Variants in CHD6 observed in about 807,000 individuals in gnomAD.
CHD6 encodes the protein ATP-dependent chromatin remodeler CHD6.
CHD6 carries 50 observed loss-of-function variants against 276.9 expected under a neutral mutation model. The observed-to-expected ratio is 0.18, with a 90% confidence interval of 0.14 to 0.23. The LOEUF (loss-of-function observed/expected upper bound fraction) is 0.23, where lower values mean the gene tolerates loss of function less well. CHD6 is among the 10% of genes least tolerant of loss of function. CHD6 has a pLI of 1.00. For missense variants in CHD6, 2,564 were observed against 3,365.8 expected, an observed-to-expected ratio of 0.76 and a Z score of 5.89; for synonymous variants, 1,173 against 1,229.3, an observed-to-expected ratio of 0.95 and a Z score of 0.96.
rs2046555319 is a variant in CHD6 at position 41,402,095 on chromosome 20, TTTTTC to T, written c.*2493_*2497del. On this transcript the variant is annotated 3_prime_UTR_variant, in exon 37 of 37. Coordinates refer to ENST00000373233, the MANE Select transcript of CHD6 (RefSeq NM_032221.5). ...TCAAATACAAATGTGACTTTTAAAC[TTTTTC>T]TTTTGTTTTTAAATCCAGGATCAAG... 1 of 187,072 alleles carries T rather than the reference TTTTTC, an allele frequency of 5.3e-6. No individual in the cohort carries two copies. Among genetic ancestry groups the T allele is most frequent in the Non-Finnish European group, 1.1e-5 (1 of 88,444 alleles). The allele number at this position is 187,072 out of a possible 1,614,324, so 11.6% of individuals were successfully genotyped here. A position where few individuals can be genotyped will look rare whatever the true frequency, so the allele number is the denominator to read the frequency against.
At chr20:41,524,379 T>C (rs1302077837) in intron 3 of CHD6, among the ~76,000 whole-genome samples, 1 of 152,230 alleles carries the variant, frequency 6.6e-6, no homozygotes, top group Admixed American at 6.5e-5. Flanking sequence ...TGTCAGTCCC[T>C]TTAACCGTAT....
rs377423955 is a variant in CHD6, at chr20:41,415,230, C to T, written c.6895G>A (p.Asp2299Asn). 33 of 1,613,998 alleles carry T rather than the reference C, an allele frequency of 2.0e-5. No individual in the cohort carries two copies. The highest frequency in any genetic ancestry group is 2.5e-5 in the Non-Finnish European group (30 of 1,180,030). Residue 2299 changes from aspartate (D) to asparagine (N), a missense_variant, in exon 34 of 37, where the codon GAC becomes AAC. Transcript: ENST00000373233. ...GTCTGCTCCTTCAAAAAGATGAGGT[C>T]CATCCCTCCTTCAACATGTTTCCGC... The part of the protein sequence containing the change: ...GRRKHVEGGM[D>N]LIFLKEQTLQ...
chr20:41,417,471 T>A, intron 31 of CHD6, 122 bp from the exon 32 acceptor site: 1 of 784,612 alleles, frequency 1.3e-6, no homozygotes, highest in South Asian at 2.4e-5. Context: ...TGTGCTATTT[T>A]AAATGGAATA....
At chr20:41,595,019 T>C (rs1469727538) in intron 1 of CHD6, among the ~76,000 whole-genome samples, 4 of 152,176 alleles carry the variant, frequency 2.6e-5, no homozygotes, top group African/African-American at 4.8e-5. Context: ...CTCTAACAAT[T>C]TGAGGGATCG....
Position 41,452,599 on chromosome 20 carries a change from T to C in CHD6, c.3323+141A>G. 1 of 725,260 alleles carries C rather than the reference T, an allele frequency of 1.4e-6. No homozygotes were observed. The highest frequency in any genetic ancestry group is 2.3e-6 in the Non-Finnish European group (1 of 440,100). 44.9% of individuals were successfully genotyped at this position (725,260 alleles called of 1,614,324 possible). On this transcript the variant is annotated intron_variant, in intron 21 of 36. Transcript: ENST00000373233. This position sits in a 1 kb window ranked among gnomAD's most constrained non-coding sequence, Gnocchi z 4.2. ...GACGGATTCTGGGCAGAAGGCACAG[T>C]TCTCTCTTGCTCCAACAGATCCCCC...
At chr20:41,497,577 C>T (rs182665373) in intron 7 of CHD6, 76 bp from the exon 8 acceptor site, 53 of 931,648 alleles carry the variant, frequency 5.7e-5, no homozygotes, top group Middle Eastern at 4.2e-4. Context: ...TCAATAAACA[C>T]GGTGACCACC....
At chr20:41,590,401 AG>A (rs1385550191) in intron 1 of CHD6, among the ~76,000 whole-genome samples, 1 of 152,228 alleles carries the variant, frequency 6.6e-6, no homozygotes, top group Admixed American at 6.5e-5. Flanking sequence ...GCACAGCAAA[AG>A]AAACTACCAT....
At position 41,405,457 on chromosome 20, in the gene CHD6, A is replaced by C; in HGVS notation, c.7284T>G (p.Thr2428=). ...TATCTCGAAGAATAGGCTCAGCCAG[A>C]GTGTGATTGAACTTGTTTTCTGGAA... ...GFLPENKFNH[T]LAEPILRDTG... Residue 2428 remains threonine (T), a synonymous_variant, in exon 37 of 37, where the codon ACT becomes ACG. Transcript: ENST00000373233. 1 of 1,571,528 alleles carries C rather than the reference A, an allele frequency of 6.4e-7. No homozygotes were observed. The highest frequency in any genetic ancestry group is 1.4e-5 in the African/African-American group (1 of 73,308).
chr20:41,416,718 T>C lies in CHD6; in HGVS notation c.6356A>G (p.Tyr2119Cys). Reference sequence around the variant, plus strand: ...GGTGGGCAGTGTGCCTGAGGGCTCATACTGCTGGCTAGAGGGCCACTTCCC... The same window carrying C: ...GGTGGGCAGTGTGCCTGAGGGCTCACACTGCTGGCTAGAGGGCCACTTCCC... ...LKGKWPSSQQ[Y>C]EPSGTLPTPV... Residue 2119 changes from tyrosine to cysteine, a missense_variant, in exon 33 of 37, where the codon TAT (tyrosine) becomes TGT (cysteine). By Grantham distance (194) the Tyr-to-Cys change is radical. Around this residue, in one of 7 missense-constraint regions of CHD6, gnomAD observed 1,024 missense variants for 1,047.9 expected, o/e 0.98. Transcript: ENST00000373233. 1 of 1,613,706 alleles carries C rather than the reference T, an allele frequency of 6.2e-7. No homozygotes were observed.
At chr20:41,409,254 C>T (rs868191252) in intron 36 of CHD6, among the ~76,000 whole-genome samples, 21 of 152,194 alleles carry the variant, frequency 1.4e-4, no homozygotes, top group African/African-American at 1.4e-4. Context: ...CTCCCAGCAG[C>T]GCGGCGACCA....
chr20:41,463,825 G>C (rs527607103), intron 17 of CHD6, among the ~76,000 whole-genome samples: 2 of 152,316 alleles, frequency 1.3e-5, no homozygotes, highest in South Asian at 2.1e-4. Context: ...GTGGATTGGA[G>C]AATAGTATTT....
intron 16 of CHD6, chr20:41,482,392 G>A: frequency 6.9e-6 from 2 of 289,208 alleles, no homozygotes; most frequent in South Asian, 6.1e-5. Context: ...AATCATTTAT[G>A]TTACATTAAG....
At chr20:41,457,551 G>T in intron 17 of CHD6, 123 bp from the exon 18 acceptor site, 1 of 1,158,376 alleles carries the variant, frequency 8.6e-7, no homozygotes, top group Non-Finnish European at 1.2e-6. Flanking sequence ...ACAAGTAACA[G>T]GACTGATTTC....
At chr20:41,505,835 C>T (rs911879020) in intron 5 of CHD6, among the ~76,000 whole-genome samples, 17 of 152,198 alleles carry the variant, frequency 1.1e-4, no homozygotes, top group African/African-American at 4.1e-4. Flanking sequence ...TATATGCCAT[C>T]TCCACTTGAG....
At chr20:41,453,368 T>C (rs867478094) in intron 20 of CHD6, among the ~76,000 whole-genome samples, 2 of 152,282 alleles carry the variant, frequency 1.3e-5, no homozygotes, top group Middle Eastern at 6.8e-3. Flanking sequence ...TCAGCAACTT[T>C]CTGAAGACAA....
At chr20:41,559,804 C>G (rs1488224129) in intron 1 of CHD6, among the ~76,000 whole-genome samples, 1 of 151,902 alleles carries the variant, frequency 6.6e-6, no homozygotes, top group Non-Finnish European at 1.5e-5. Context: ...GTTCCTGAGA[C>G]ATTCCACAGG....
chr20:41,459,014 C>G (rs1012604352), intron 17 of CHD6, among the ~76,000 whole-genome samples: 2 of 152,088 alleles, frequency 1.3e-5, no homozygotes, highest in African/African-American at 4.8e-5. Context: ...TCCTGGAGTC[C>G]AGAATTGCAA....
At chr20:41,605,728 G>A (rs2045820422) in intron 1 of CHD6, among the ~76,000 whole-genome samples, 1 of 151,908 alleles carries the variant, frequency 6.6e-6, no homozygotes, top group South Asian at 2.1e-4. Context: ...GTTTTAACTA[G>A]TAAATTTTAA....
intron 2 of CHD6, among the ~76,000 whole-genome samples, chr20:41,548,465 T>C (rs1293241590): frequency 1.3e-5 from 2 of 152,038 alleles, no homozygotes; most frequent in Non-Finnish European, 2.9e-5. Flanking sequence ...TAAATGCTTA[T>C]CTCCTTACAC....
Sources: allele counts gnomAD v4.1 joint callset (sites outside exome capture counted in the v4.1 genomes callset), GRCh38; gene constraint gnomAD v4.1.1; regional missense constraint gnomAD v4.1.1; non-coding constraint Gnocchi (gnomAD v3.1); transcripts MANE v1.5; gene names NCBI Gene and HGNC (gene_info 2026-07-23, HGNC 2026-07-21).